FAAP20: variants seen among roughly 807,000 people sequenced by gnomAD.
FAAP20 encodes the protein Fanconi anemia core complex-associated protein 20.
A neutral mutation model predicts 16.2 loss-of-function variants in FAAP20; 12 were observed. The observed-to-expected ratio is 0.74, with a 90% CI of 0.48 to 1.20. The LOEUF (loss-of-function observed/expected upper bound fraction) is 1.20. Ranked by LOEUF, FAAP20 falls within the 50% of genes most tolerant of loss-of-function variation. FAAP20 has a pLI of 0.00. For synonymous variants in FAAP20, 141 were observed against 110.7 expected (o/e 1.27, Z -1.72); for missense variants, 288 against 245.8 (o/e 1.17, Z -1.15).
downstream of FAAP20, among the ~76,000 whole-genome samples, chr1:2,211,198 G>GTTTCT (rs1007398195): frequency 6.8e-6 from 1 of 147,542 alleles, no homozygotes; most frequent in Admixed American, 6.7e-5. Context: ...TTGGGAGCAA[G>GTTTCT]TTTCTTTTCT....
downstream of FAAP20, chr1:2,186,844 A>C: frequency 6.0e-6 from 1 of 167,584 alleles, no homozygotes; most frequent in Non-Finnish European, 1.3e-5. Context: ...TTACCTAAAT[A>C]CTGCCGTGTT....
At chr1:2,185,758 A>C (rs541692330), downstream of FAAP20, among the ~76,000 whole-genome samples, 1 of 152,316 alleles carries the variant, frequency 6.6e-6, no homozygotes, top group South Asian at 2.1e-4. Context: ...AATCTGCACA[A>C]ATCATTTCTG....
chr1:2,194,750 C>A lies in FAAP20; in HGVS notation c.-1G>T. 8.4e-7 allele frequency: 1 copy of A among 1,184,962 alleles called. No individual in the cohort carries two copies. The highest frequency in any genetic ancestry group is 1.0e-6 in the Non-Finnish European group (1 of 959,250). 73.4% of individuals were successfully genotyped at this position (1,184,962 alleles called of 1,614,324 possible). On this transcript the variant is annotated 5_prime_UTR_variant, in exon 1 of 4. Coordinates refer to ENST00000378546, the MANE Select transcript of FAAP20 (RefSeq NM_182533.4). ...GCCGCGGCCTCCGCGCCGCCTCCAT[C>A]CAAGCCCGCGCCGGGCGGAAGTGAG...
At chr1:2,211,574 G>A (rs937582715), downstream of FAAP20, among the ~76,000 whole-genome samples, 1 of 144,724 alleles carries the variant, frequency 6.9e-6, no homozygotes, top group African/African-American at 2.6e-5. Context: ...AGCCTCCCCA[G>A]TAGCTTGGGA....
chr1:2,199,142 G>A (rs555161801), upstream of FAAP20: 107 of 1,183,290 alleles, frequency 9.0e-5, no homozygotes, highest in African/African-American at 6.2e-4. The surrounding 1 kb of genome is among the most constrained non-coding windows in gnomAD (Gnocchi z 4.5). Flanking sequence ...GAGAGACAGC[G>A]GTCCTGTTTC....
chr1:2,206,991 A>C (rs550933539), intron 1 of FAAP20, among the ~76,000 whole-genome samples: 1 of 152,286 alleles, frequency 6.6e-6, no homozygotes, highest in African/African-American at 2.4e-5. Context: ...CCCAGGGACA[A>C]ACCCGAAAAC....
chr1:2,198,917 T>C (rs2100726345), upstream of FAAP20: 2 of 1,289,754 alleles, frequency 1.6e-6, no homozygotes, highest in Non-Finnish European at 2.0e-6. Context: ...GCAGACAGGC[T>C]GTGAGAGACA....
At chr1:2,186,540 G>A (rs558067258), downstream of FAAP20, among the ~76,000 whole-genome samples, 16 of 142,892 alleles carry the variant, frequency 1.1e-4, no homozygotes, top group Non-Finnish European at 1.9e-4. Flanking sequence ...ATGTGGAGAC[G>A]GGTTTCAGCC....
At chr1:2,200,083 A>C (rs1004581741), upstream of FAAP20, 1 of 150,126 alleles carries the variant, frequency 6.7e-6, no homozygotes, top group African/African-American at 2.5e-5. Flanking sequence ...CGTCTCAAAA[A>C]AAAAAGAGAG....
downstream of FAAP20, chr1:2,185,968 C>G: frequency 2.9e-6 from 1 of 347,992 alleles, no homozygotes; most frequent in Non-Finnish European, 5.7e-6. Flanking sequence ...GGACCTCCTG[C>G]TCCCGGGAAC....
chr1:2,194,880 G>T, upstream of FAAP20: 4 of 841,628 alleles, frequency 4.8e-6, no homozygotes, highest in Non-Finnish European at 5.8e-6. Context: ...AACCCCAGGG[G>T]CCCTGATCCC....
upstream of FAAP20, among the ~76,000 whole-genome samples, chr1:2,196,391 G>A (rs1036863502): frequency 1.3e-5 from 2 of 151,260 alleles, no homozygotes; most frequent in Non-Finnish European, 2.9e-5. The surrounding 1 kb of genome is among the most constrained non-coding windows in gnomAD (Gnocchi z 4.5). Flanking sequence ...GCAAGACCTT[G>A]TCTCTATAAA....
At chr1:2,191,892 A>G in intron 3 of FAAP20, 1 of 985,454 alleles carries the variant, frequency 1.0e-6, no homozygotes. Flanking sequence ...AATGCACAAA[A>G]TGTCCAAATA....
At chr1:2,205,465 C>A (rs1689224850) in intron 3 of FAAP20, among the ~76,000 whole-genome samples, 1 of 151,692 alleles carries the variant, frequency 6.6e-6, no homozygotes, top group Non-Finnish European at 1.5e-5. Context: ...TCCACAGGCC[C>A]AGCCCGGCGC....
chr1:2,187,770 G>A (rs556717208), downstream of FAAP20, among the ~76,000 whole-genome samples: 210 of 151,636 alleles, frequency 1.4e-3, no homozygotes, highest in African/African-American at 4.8e-3. Flanking sequence ...TGCCCTTGTC[G>A]TCGCCCCACG....
downstream of FAAP20, among the ~76,000 whole-genome samples, chr1:2,211,836 C>T (rs183727247): frequency 3.6e-4 from 55 of 151,642 alleles, 1 homozygote; most frequent in African/African-American, 9.2e-4. Context: ...CCACCTGCCT[C>T]GGCCTCCCAA....
upstream of FAAP20, among the ~76,000 whole-genome samples, chr1:2,203,092 C>T (rs1246543205): frequency 6.6e-6 from 1 of 152,250 alleles, no homozygotes; most frequent in African/African-American, 2.4e-5. Context: ...TGCTTTTCTC[C>T]CTGCCCATGG....
At chr1:2,187,645 A>G (rs1687743852), downstream of FAAP20, among the ~76,000 whole-genome samples, 1 of 152,158 alleles carries the variant, frequency 6.6e-6, no homozygotes, top group Non-Finnish European at 1.5e-5. Flanking sequence ...GGGCAGTTTT[A>G]GGCTCCCAGC....
chr1:2,188,822 G>A (rs990839554), downstream of FAAP20, among the ~76,000 whole-genome samples: 1 of 151,474 alleles, frequency 6.6e-6, no homozygotes, highest in Non-Finnish European at 1.5e-5. Flanking sequence ...TGGCTAACAC[G>A]GTGAAACCCC....
Sources: gnomAD v4.1 joint callset for allele counts (sites outside exome capture counted in the v4.1 genomes callset) on GRCh38, gnomAD v4.1.1 for gene constraint, Gnocchi (gnomAD v3.1) non-coding constraint, MANE v1.5 for transcripts, NCBI Gene and HGNC (gene_info 2026-07-23, HGNC 2026-07-21) for gene names.